AMZ2: variants seen among roughly 807,000 people sequenced by gnomAD.
AMZ2 encodes archaemetzincin-2.
A neutral mutation model predicts 36.7 loss-of-function variants in AMZ2; 26 were observed. That is an observed-to-expected ratio of 0.71 (90% CI 0.52 to 0.98). The LOEUF is 0.98. AMZ2 is among the 50% of genes least tolerant of loss of function. AMZ2 has a pLI of 0.00. For synonymous variants in AMZ2, 144 were observed against 149.1 expected (o/e 0.97, Z 0.25); for missense variants, 394 against 430.5 (o/e 0.92, Z 0.75).
chr17:68,236,249 A>G (rs2073784038), intron 1 of AMZ2, among the ~76,000 whole-genome samples: 1 of 152,218 alleles, frequency 6.6e-6, no homozygotes, highest in Non-Finnish European at 1.5e-5. Flanking sequence ...TATGCACATT[A>G]TATATATCAA....
chr17:68,229,305 G>A (rs1248635715), intron 1 of AMZ2, among the ~76,000 whole-genome samples: 1 of 151,954 alleles, frequency 6.6e-6, no homozygotes, highest in Non-Finnish European at 1.5e-5. Context: ...AGACACAGGC[G>A]AGCCCCTCAG....
chr17:68,248,085 G>T lies in AMZ2; in HGVS notation c.-621G>T, dbSNP rs1555736768. On this transcript the variant is annotated 5_prime_UTR_variant, in exon 1 of 7. Transcript: ENST00000359904. ...TGCGCATGCGCGTGAGGGCTGCCGC[G>T]GGTGGGTGGTATCGAGGCCTGTCGG... is the stretch of plus-strand genomic sequence containing the variant. The T allele has an allele frequency of 1.9e-5, 19 of 986,048 alleles. No homozygotes were observed. The South Asian group carries it at 2.8e-4, about 15-fold the overall frequency. 61.1% of individuals were successfully genotyped at this position (986,048 alleles called of 1,614,324 possible).
intron 1 of AMZ2, among the ~76,000 whole-genome samples, chr17:68,227,270 G>A (rs574210783): frequency 6.6e-6 from 1 of 152,206 alleles, no homozygotes; most frequent in South Asian, 2.1e-4. Flanking sequence ...TGGGAAGTGG[G>A]GATACTAATA....
At chr17:68,215,842 T>C (rs2073181190) in intron 1 of AMZ2, among the ~76,000 whole-genome samples, 1 of 151,148 alleles carries the variant, frequency 6.6e-6, no homozygotes, top group East Asian at 2.0e-4. Flanking sequence ...TCTCACTGCC[T>C]CTTTCTTTCC....
intron 4 of AMZ2, among the ~76,000 whole-genome samples, chr17:68,253,939 T>C (rs2074694752): frequency 6.6e-6 from 1 of 152,010 alleles, no homozygotes; most frequent in South Asian, 2.1e-4. Flanking sequence ...GAGACAGGGT[T>C]TCACCATGTT....
At chr17:68,229,516 T>G (rs2073607548) in intron 1 of AMZ2, among the ~76,000 whole-genome samples, 1 of 152,124 alleles carries the variant, frequency 6.6e-6, no homozygotes, top group Admixed American at 6.5e-5. Flanking sequence ...CCTGAGAGTT[T>G]GAGATTTTAT....
At chr17:68,227,534 C>T (rs1450777310) in intron 1 of AMZ2, among the ~76,000 whole-genome samples, 5 of 152,198 alleles carry the variant, frequency 3.3e-5, no homozygotes, top group African/African-American at 1.2e-4. Context: ...CTGCGGGCTC[C>T]AGGGGAGAAT....
chr17:68,210,261 C>G (rs367813467), intron 1 of AMZ2, among the ~76,000 whole-genome samples: 1 of 152,182 alleles, frequency 6.6e-6, no homozygotes, highest in Non-Finnish European at 1.5e-5. Flanking sequence ...GCATTATTCT[C>G]AATGACCAAA....
At chr17:68,248,845 TAGTC>T (rs1379714574) in intron 1 of AMZ2, 140 bp downstream of exon 1, 5 of 895,606 alleles carry the variant, frequency 5.6e-6, no homozygotes, top group East Asian at 7.3e-5. Context: ...TCTGGAATTT[TAGTC>T]AGCCTCTTCA....
intron 1 of AMZ2, 85 bp from the exon 2 acceptor site, chr17:68,250,103 A>C: frequency 1.4e-6 from 2 of 1,412,414 alleles, no homozygotes; most frequent in Non-Finnish European, 1.9e-6. Context: ...TCTAGGGAGA[A>C]ATCAGAGCTG....
chr17:68,233,799 G>A (rs187856578), intron 1 of AMZ2, among the ~76,000 whole-genome samples: 119 of 151,594 alleles, frequency 7.8e-4, no homozygotes, highest in Non-Finnish European at 1.4e-3. Flanking sequence ...TTGGCTTACT[G>A]CAGCCTCAAC....
intron 1 of AMZ2, among the ~76,000 whole-genome samples, chr17:68,224,205 A>G (rs1268687275): frequency 6.6e-6 from 1 of 151,850 alleles, no homozygotes; most frequent in African/African-American, 2.4e-5. Context: ...AGCCTCCCAA[A>G]ATGCTGGGAT....
At chr17:68,231,394 T>A (rs558959026) in intron 1 of AMZ2, among the ~76,000 whole-genome samples, 6 of 150,012 alleles carry the variant, frequency 4.0e-5, no homozygotes, top group Non-Finnish European at 8.9e-5. Flanking sequence ...CAGACATCAC[T>A]CTCTGTGAGT....
chr17:68,226,178 G>A (rs1422691413), intron 1 of AMZ2, among the ~76,000 whole-genome samples: 4 of 152,190 alleles, frequency 2.6e-5, no homozygotes, highest in South Asian at 2.1e-4. Context: ...TAAGGCATTC[G>A]TAAGTGTATC....
chr17:68,241,227 G>A (rs2073894398), intron 1 of AMZ2, among the ~76,000 whole-genome samples: 1 of 152,162 alleles, frequency 6.6e-6, no homozygotes, highest in African/African-American at 2.4e-5. Flanking sequence ...TGAGGCACAT[G>A]CATATTATAT....
At chr17:68,249,134 C>T in intron 1 of AMZ2, 1 of 1,169,242 alleles carries the variant, frequency 8.6e-7, no homozygotes, top group Non-Finnish European at 1.1e-6. Context: ...GATGTCTTCC[C>T]TAATGTGACA....
At chr17:68,229,656 G>T (rs565406835) in intron 1 of AMZ2, among the ~76,000 whole-genome samples, 148 of 152,338 alleles carry the variant, frequency 9.7e-4, no homozygotes, top group African/African-American at 3.2e-3. Context: ...TGTCTGGGGA[G>T]CATCACCTTT....
At chr17:68,233,550 C>G (rs1439322374) in intron 1 of AMZ2, among the ~76,000 whole-genome samples, 1 of 151,256 alleles carries the variant, frequency 6.6e-6, no homozygotes, top group African/African-American at 2.4e-5. Flanking sequence ...TCTTCCCCTG[C>G]CTCCTGGGAG....
chr17:68,250,283 G>A lies in AMZ2; in HGVS notation c.96G>A (p.Gly32=), dbSNP rs782210057. The change falls in exon 2 of 7, where the codon GGG becomes GGA. Residue 32 remains glycine (G), a synonymous_variant. Coordinates refer to ENST00000359904, the MANE Select transcript of AMZ2 (RefSeq NM_016627.5). ...CACAGTATGAGAAATTAAATGCTGG[G>A]GAACAACGTTTAATGAATGAAGCCT... ...LVSQYEKLNA[G]EQRLMNEAFQ... The A allele has an allele frequency of 1.9e-6, 3 of 1,614,116 alleles. No homozygotes were observed. The Admixed American group carries it at 5.0e-5, about 27-fold the overall frequency.
Sources: gnomAD v4.1 joint callset for allele counts (sites outside exome capture counted in the v4.1 genomes callset) on GRCh38, gnomAD v4.1.1 for gene constraint, MANE v1.5 for transcripts, NCBI Gene and HGNC (gene_info 2026-07-23, HGNC 2026-07-21) for gene names.